Variants in XPO4 observed in about 807,000 individuals in gnomAD.
XPO4 encodes exportin 4, also known as exportin-4.
A neutral mutation model predicts 143.0 loss-of-function variants in XPO4; 39 were observed. The ratio of observed to expected loss-of-function variants is 0.27; its 90% CI spans 0.21 to 0.36. The LOEUF (loss-of-function observed/expected upper bound fraction) is 0.36, where lower values mean the gene tolerates loss of function less well. Among genes scored for constraint, XPO4 ranks in the 10% least tolerant of loss-of-function variants. The pLI is 1.00. For missense variants in XPO4, 907 were observed against 1,348.0 expected, an observed-to-expected ratio of 0.67 and a Z score of 5.12; for synonymous variants, 439 against 474.0, an observed-to-expected ratio of 0.93 and a Z score of 0.96.
At chr13:20,792,403 C>CAACATAGTGA (rs1381170949) in intron 18 of XPO4, among the ~76,000 whole-genome samples, 9 of 151,858 alleles carry the variant, frequency 5.9e-5, no homozygotes, top group African/African-American at 1.9e-4. Context: ...CCAGCCTGGC[C>CAACATAGTGA]AACATAGTGA....
At chr13:20,859,269 C>T (rs944771613) in intron 3 of XPO4, among the ~76,000 whole-genome samples, 1 of 151,894 alleles carries the variant, frequency 6.6e-6, no homozygotes, top group African/African-American at 2.4e-5. Context: ...GAGATCAAGA[C>T]CATCCTGGCC....
intron 1 of XPO4, among the ~76,000 whole-genome samples, chr13:20,893,874 G>T (rs940927284): frequency 6.6e-6 from 1 of 152,042 alleles, no homozygotes; most frequent in East Asian, 1.9e-4. Flanking sequence ...AACAGAGTTC[G>T]CTCTTGTTGC....
At chr13:20,892,844 AC>A (rs2060531410) in intron 1 of XPO4, among the ~76,000 whole-genome samples, 1 of 151,864 alleles carries the variant, frequency 6.6e-6, no homozygotes, top group African/African-American at 2.4e-5. Context: ...TGATCACACC[AC>A]TGCATTCCAG....
intron 9 of XPO4, among the ~76,000 whole-genome samples, chr13:20,811,504 T>C (rs936077382): frequency 8.6e-5 from 13 of 152,002 alleles, no homozygotes; most frequent in Non-Finnish European, 1.9e-4. Context: ...GCCAGGATGG[T>C]CTCGAACTCC....
At chr13:20,848,879 AG>A (rs1248150729) in intron 4 of XPO4, 1 of 985,264 alleles carries the variant, frequency 1.0e-6, no homozygotes, top group Non-Finnish European at 1.2e-6. Context: ...TATAAAAAAA[AG>A]TCTAATTGTC....
At chr13:20,889,713 C>G (rs1335521808) in intron 1 of XPO4, among the ~76,000 whole-genome samples, 2 of 152,126 alleles carry the variant, frequency 1.3e-5, no homozygotes, top group African/African-American at 4.8e-5. Flanking sequence ...CATCATTACC[C>G]AATATTCTGT....
At chr13:20,899,558 A>G (rs940043813) in intron 1 of XPO4, among the ~76,000 whole-genome samples, 1 of 152,154 alleles carries the variant, frequency 6.6e-6, no homozygotes, top group Non-Finnish European at 1.5e-5. Flanking sequence ...CGGTGATAAA[A>G]GCTCTAGACC....
Position 20,799,321 on chromosome 13 carries a change from T to C in XPO4, c.2166A>G (p.Gln722=), listed in dbSNP as rs775498160. The part of the protein sequence containing the change: ...ERRERANLVI[Q]CENWWNLAKQ... ...TAGCTAAATTCCACCAGTTCTCACA[T>C]TGAATTACTAAGTTTGCCCTACAGG... Residue 722 remains glutamine (Q), a synonymous_variant, in exon 16 of 23, where the codon CAA becomes CAG. Transcript: ENST00000255305. The C allele has an allele frequency of 7.1e-5, 114 of 1,613,556 alleles. 1 individual carries two copies. The Middle Eastern group carries it at 1.2e-3, about 16-fold the overall frequency.
intron 1 of XPO4, among the ~76,000 whole-genome samples, chr13:20,901,683 A>C (rs1468758908): frequency 1.3e-5 from 2 of 152,254 alleles, no homozygotes; most frequent in Non-Finnish European, 2.9e-5. Flanking sequence ...AATTAGTTCG[A>C]ATATTCTCAA....
At chr13:20,850,314 A>AT in intron 4 of XPO4, 2 of 962,376 alleles carry the variant, frequency 2.1e-6, no homozygotes, top group Non-Finnish European at 2.5e-6. Flanking sequence ...TTTATTTTAC[A>AT]TATTAGTGAA....
At chr13:20,783,960 A>T (rs763081879) in intron 22 of XPO4, 41 bp from the exon 23 acceptor site, 1 of 1,590,880 alleles carries the variant, frequency 6.3e-7, no homozygotes, top group Admixed American at 1.7e-5. Flanking sequence ...CCTCCTTAGA[A>T]TATCATACAA....
At chr13:20,796,651 G>T in intron 17 of XPO4, 113 bp downstream of exon 17, 3 of 850,648 alleles carry the variant, frequency 3.5e-6, no homozygotes, top group Non-Finnish European at 4.8e-6. Flanking sequence ...TCTTTTGAAG[G>T]AATAAAAATA....
intron 9 of XPO4, among the ~76,000 whole-genome samples, chr13:20,815,295 T>C (rs1303824805): frequency 6.6e-6 from 1 of 152,154 alleles, no homozygotes; most frequent in Non-Finnish European, 1.5e-5. Context: ...GAGTGAACCC[T>C]ATGTACACTA....
intron 2 of XPO4, chr13:20,868,392 A>G (rs929204187): frequency 1.4e-5 from 11 of 804,700 alleles, no homozygotes; most frequent in East Asian, 1.2e-4. Flanking sequence ...TCTAGGGGGG[A>G]AAAATCCAAA....
intron 1 of XPO4, among the ~76,000 whole-genome samples, chr13:20,872,281 T>G (rs2060306270): frequency 6.6e-6 from 1 of 152,200 alleles, no homozygotes; most frequent in Non-Finnish European, 1.5e-5. Context: ...TTCATCAACC[T>G]TCACTCACCT....
At position 20,789,567 on chromosome 13, in the gene XPO4, TG is replaced by T. The variant is rs768656722; in HGVS notation, c.2916+894del. Among the ~76,000 whole-genome samples the T allele has an allele frequency of 4.9e-3, 686 of 141,058 alleles. 4 individuals carry two copies. The highest frequency in any genetic ancestry group is 0.017 in the African/African-American group (600 of 35,770). The allele number at this position is 141,058 out of a possible 152,430, so 92.5% of individuals were successfully genotyped here. On this transcript the variant is annotated intron_variant, in intron 19 of 22. Coordinates refer to ENST00000255305, the MANE Select transcript of XPO4 (RefSeq NM_022459.5). Reference sequence around the variant, plus strand: ...CCACCACCACACCCGGCTTTTTTTTTGTGTGTGTGTGTGTGTATTTTTAGTA... The same window carrying T: ...CCACCACCACACCCGGCTTTTTTTTTTGTGTGTGTGTGTGTATTTTTAGTA...
intron 16 of XPO4, 121 bp downstream of exon 16, chr13:20,799,044 A>G (rs2059397640): frequency 9.7e-7 from 1 of 1,030,122 alleles, no homozygotes; most frequent in Non-Finnish European, 1.3e-6. Context: ...AAAGAAAGAA[A>G]GAAAGAAAGA....
At chr13:20,887,690 A>C (rs1239613681) in intron 1 of XPO4, among the ~76,000 whole-genome samples, 1 of 151,672 alleles carries the variant, frequency 6.6e-6, no homozygotes, top group Non-Finnish European at 1.5e-5. Flanking sequence ...CCTCATCTCT[A>C]CTCAAAATAA....
Position 20,782,994 on chromosome 13 carries a change from C to CAGAAAGCAAGAAAAGCA in XPO4, c.*711_*727dup, listed in dbSNP as rs2059158692. The CAGAAAGCAAGAAAAGCA allele has an allele frequency of 6.6e-6, 1 of 152,252 alleles. No individual in the cohort carries two copies. The highest frequency in any genetic ancestry group is 2.1e-4 in the South Asian group (1 of 4,816). The allele number at this position is 152,252 out of a possible 1,614,324, so 9.4% of individuals were successfully genotyped here. ...GAGAGAGAGAAAAGAAAGAGAGAGA[C>CAGAAAGCAAGAAAAGCA]AGAAAGCAAGAAAAGCAAGAAAGCA... On this transcript the variant is annotated 3_prime_UTR_variant, in exon 23 of 23. Transcript: ENST00000255305.
Sources: allele counts gnomAD v4.1 joint callset (sites outside exome capture counted in the v4.1 genomes callset), GRCh38; gene constraint gnomAD v4.1.1; transcripts MANE v1.5; gene names NCBI Gene and HGNC (gene_info 2026-07-23, HGNC 2026-07-21).